Variants in MACF1 observed in about 807,000 individuals in gnomAD.
MACF1 encodes the protein microtubule-actin cross-linking factor 1.
Under a neutral mutation model 854.8 loss-of-function variants are expected in MACF1, and 193 were observed. The observed-to-expected ratio is 0.23, with a 90% CI of 0.20 to 0.25. The LOEUF is 0.25. Ranked by LOEUF, MACF1 falls within the 10% of genes least tolerant of loss-of-function variation. The pLI, the probability that MACF1 is intolerant of heterozygous loss-of-function variation, is 1.00. For missense variants in MACF1, 7,722 were observed against 8,929.1 expected, an observed-to-expected ratio of 0.86 and a Z score of 5.45; for synonymous variants, 3,185 against 3,226.7, an observed-to-expected ratio of 0.99 and a Z score of 0.44.
intron 6 of MACF1, among the ~76,000 whole-genome samples, chr1:39,259,728 T>G (rs761234058): frequency 6.6e-6 from 1 of 152,108 alleles, no homozygotes; most frequent in Non-Finnish European, 1.5e-5. Context: ...GTTCAAGAGA[T>G]TCTCCTGCTT....
rs576664598 is a variant in MACF1 at position 39,220,657 on chromosome 1, C to CT, written c.110-10518dup. On this transcript the variant is annotated intron_variant, in intron 1 of 100. Coordinates refer to ENST00000564288, the MANE Select transcript of MACF1 (RefSeq NM_001394062.1). ...ACCACCACACCTGGCTAATTTTTGT[C>CT]TTTTTTTGGGTAGAGTCGAGGTTCC... 2.7e-5 allele frequency among the ~76,000 whole-genome samples: 4 copies of CT among 149,568 alleles called. No individual in the cohort carries two copies. In the South Asian group the frequency reaches 6.4e-4, roughly 24 times the overall value.
chr1:39,239,264 G>GA, intron 2 of MACF1, among the ~76,000 whole-genome samples: 2 of 150,016 alleles, frequency 1.3e-5, no homozygotes, highest in Non-Finnish European at 3.0e-5. Context: ...GTGGGTGACA[G>GA]AGCGAGACTC....
rs1445523104 is a variant in MACF1 at position 39,439,303 on chromosome 1, T to C, written c.18250T>C (p.Phe6084Leu). The C allele has an allele frequency of 3.7e-6, 6 of 1,613,542 alleles. No individual in the cohort carries two copies. The highest frequency in any genetic ancestry group is 5.1e-6 in the Non-Finnish European group (6 of 1,179,482). The part of the protein sequence containing the change: ...EIQDKLDQMV[F>L]FWEDIKARAE... ...CCAGGATAAATTGGATCAAATGGTA[T>C]TCTTCTGGGAGGACATCAAAGCTCG... The change falls in exon 72 of 101, where the codon TTC (phenylalanine) becomes CTC (leucine). Residue 6084 changes from phenylalanine (F) to leucine (L), a missense_variant. Phe to Leu is a conservative substitution (Grantham distance 22). Coordinates refer to ENST00000564288, the MANE Select transcript of MACF1 (RefSeq NM_001394062.1).
intron 58 of MACF1, among the ~76,000 whole-genome samples, chr1:39,419,067 G>C (rs1424934166): frequency 6.6e-6 from 1 of 152,132 alleles, no homozygotes; most frequent in East Asian, 1.9e-4. Context: ...TAAGGAGTAG[G>C]AATTTTAGTG....
At chr1:39,320,680 A>G (rs1646497375) in intron 31 of MACF1, among the ~76,000 whole-genome samples, 1 of 152,184 alleles carries the variant, frequency 6.6e-6, no homozygotes, top group African/African-American at 2.4e-5. Context: ...AGGAAAAATG[A>G]CTTGAGGCCA....
intron 6 of MACF1, among the ~76,000 whole-genome samples, chr1:39,276,207 A>T (rs1192148922): frequency 6.6e-6 from 1 of 152,140 alleles, no homozygotes; most frequent in Non-Finnish European, 1.5e-5. Context: ...GGAGTGAGCC[A>T]CTGCACCCAG....
At chr1:39,225,210 C>CTTTTTTCT (rs1553171311) in intron 1 of MACF1, among the ~76,000 whole-genome samples, 4 of 17,580 alleles carry the variant, frequency 2.3e-4, no homozygotes, top group Middle Eastern at 0.071. Flanking sequence ...GCAAATTTTT[C>CTTTTTTCT]TTTTTTCTTT....
At chr1:39,352,874 G>A in intron 43 of MACF1, 133 bp from the exon 44 acceptor site, 1 of 540,954 alleles carries the variant, frequency 1.8e-6, no homozygotes, top group Non-Finnish European at 3.3e-6. Flanking sequence ...TCTTTTGTAT[G>A]TGCAAAGACT....
At chr1:39,190,332 C>CTCTTTTCTTG (rs1343665059) in intron 2 of MACF1, among the ~76,000 whole-genome samples, 1 of 143,812 alleles carries the variant, frequency 7.0e-6, no homozygotes, top group Non-Finnish European at 1.5e-5. Flanking sequence ...CTCTTCCTTT[C>CTCTTTTCTTG]TCTTTTCTTG....
rs1365919959 is a variant in MACF1 at position 39,331,691 on chromosome 1, C to A, written c.5103C>A (p.Asp1701Glu). The A allele has an allele frequency of 6.2e-7, 1 of 1,614,014 alleles. No individual in the cohort carries two copies. Among genetic ancestry groups the A allele is most frequent in the Non-Finnish European group, 8.5e-7 (1 of 1,180,022 alleles). ...TTAGAACATCCAAGAATTTGATAGACCCTAACACAGCTGAGAAAATTGGTT... is the reference window on the plus strand; with the variant it reads ...TTAGAACATCCAAGAATTTGATAGAACCTAACACAGCTGAGAAAATTGGTT... ...SYLRTSKNLIDPNTAEKIGLL... is the reference protein window; with the variant it reads ...SYLRTSKNLIEPNTAEKIGLL... Residue 1701 changes from aspartate (D) to glutamate (E), a missense_variant, in exon 37 of 101, where the codon GAC (aspartate) becomes GAA (glutamate). Physicochemically the swap from Asp to Glu is conservative, Grantham distance 45. Coordinates refer to ENST00000564288, the MANE Select transcript of MACF1 (RefSeq NM_001394062.1).
At chr1:39,472,650 A>T (rs369767390) in intron 97 of MACF1, among the ~76,000 whole-genome samples, 1 of 152,240 alleles carries the variant, frequency 6.6e-6, no homozygotes, top group African/African-American at 2.4e-5. Flanking sequence ...GAGTTGTAGC[A>T]TATTAAGCTA....
In MACF1 at chr1:39,105,008, TA is replaced by T. The variant is rs1642183746; in HGVS notation, c.220+20571del. ...CTCCTTTGTCCCGCTCCCGGCGGCGTAGGTCAGCGCTGACTGGGGCTCCCGC... is the reference window on the plus strand; with the variant it reads ...CTCCTTTGTCCCGCTCCCGGCGGCGTGGTCAGCGCTGACTGGGGCTCCCGC... On this transcript the variant is annotated intron_variant, in intron 2 of 93. Coordinates refer to the MACF1 transcript ENST00000361689. This position sits in a 1 kb window ranked among gnomAD's most constrained non-coding sequence, Gnocchi z 5.9. 6.6e-6 allele frequency among the ~76,000 whole-genome samples: 1 copy of T among 152,126 alleles called. No individual in the cohort carries two copies. Among genetic ancestry groups the T allele is most frequent in the Non-Finnish European group, 1.5e-5 (1 of 67,994 alleles).
chr1:39,214,494 T>G (rs1252953792), intron 1 of MACF1, among the ~76,000 whole-genome samples: 1 of 152,130 alleles, frequency 6.6e-6, no homozygotes, highest in African/African-American at 2.4e-5. Context: ...AGTAGGAGGA[T>G]CTGGGAAGAA....
chr1:39,229,150 TTA>T (rs2148300901), intron 1 of MACF1, among the ~76,000 whole-genome samples: 1 of 152,374 alleles, frequency 6.6e-6, no homozygotes, highest in African/African-American at 2.4e-5. Flanking sequence ...CAATGTGAAC[TTA>T]TGATTCTTTG....
At chr1:39,254,399 CA>C in intron 5 of MACF1, 24 bp downstream of exon 5, 1 of 1,608,712 alleles carries the variant, frequency 6.2e-7, no homozygotes, top group Non-Finnish European at 8.5e-7. Flanking sequence ...ATGCCTTCCC[CA>C]TTCTTCCAGG....
At position 39,436,358 on chromosome 1, in the gene MACF1, C is replaced by T; in HGVS notation, c.17988+597C>T. 5.1e-6 allele frequency: 5 copies of T among 972,762 alleles called. No individual in the cohort carries two copies. The East Asian group carries it at 7.3e-5, about 14-fold the overall frequency. The allele number at this position is 972,762 out of a possible 1,614,324, so 60.3% of individuals were successfully genotyped here. A position where few individuals can be genotyped will look rare whatever the true frequency, so the allele number is the denominator to read the frequency against. ...ATTTGTACTTACTCAAGTTTCTCCC[C>T]CCACCTTCCGTCCCATCTCTCACTC... On this transcript the variant is annotated intron_variant, in intron 70 of 100. Coordinates refer to ENST00000564288, the MANE Select transcript of MACF1 (RefSeq NM_001394062.1).
In MACF1 at chr1:39,327,284, C is replaced by G. The variant is rs764843333; in HGVS notation, c.4545C>G (p.Asp1515Glu). Residue 1515 changes from aspartate (D) to glutamate (E), a missense_variant, in exon 36 of 101, where the codon GAC becomes GAG. Around this residue, in one of 15 missense-constraint regions of MACF1, gnomAD observed 1,531 missense variants for 1,601.6 expected, o/e 0.96. Transcript: ENST00000564288. ...ATGCCCTAAACAAGGCTTACCATGA[C>G]CTTTGTGATGGTTCTGCAAATCAGC... ...QLNALNKAYH[D>E]LCDGSANQLQ... The G allele has an allele frequency of 5.0e-5, 81 of 1,607,710 alleles. No individual in the cohort carries two copies. The highest frequency in any genetic ancestry group is 6.7e-5 in the Non-Finnish European group (79 of 1,175,028).
chr1:39,474,194 C>T lies in MACF1; in HGVS notation c.21958+4579C>T, dbSNP rs567141927. ...ATGAGGTCAGGAGTTCAAGACCAGCCGGGCCAATATGGTGAAACGCTGTTT... is the reference window on the plus strand; with the variant it reads ...ATGAGGTCAGGAGTTCAAGACCAGCTGGGCCAATATGGTGAAACGCTGTTT... On this transcript the variant is annotated intron_variant, in intron 97 of 100. Coordinates refer to ENST00000564288, the MANE Select transcript of MACF1 (RefSeq NM_001394062.1). Among the ~76,000 whole-genome samples, 12 of 152,150 alleles carry T rather than the reference C, an allele frequency of 7.9e-5. No individual in the cohort carries two copies. The South Asian group carries it at 1.2e-3, about 16-fold the overall frequency.
chr1:39,130,197 G>A (rs952812853), intron 2 of MACF1, among the ~76,000 whole-genome samples: 1 of 152,170 alleles, frequency 6.6e-6, no homozygotes, highest in Non-Finnish European at 1.5e-5. Flanking sequence ...ATCAGAAGAT[G>A]AAGATTACTG....
Sources: allele counts gnomAD v4.1 joint callset (sites outside exome capture counted in the v4.1 genomes callset), GRCh38; gene constraint gnomAD v4.1.1; regional missense constraint gnomAD v4.1.1; non-coding constraint Gnocchi (gnomAD v3.1); transcripts MANE v1.5; gene names NCBI Gene and HGNC (gene_info 2026-07-23, HGNC 2026-07-21).